PCGF3: variants seen among roughly 807,000 people sequenced by gnomAD.
PCGF3 encodes the protein polycomb group ring finger 3.
A neutral mutation model predicts 33.1 loss-of-function variants in PCGF3; 7 were observed. The ratio of observed to expected loss-of-function variants is 0.21; its 90% CI spans 0.12 to 0.40. The LOEUF is 0.40. Ranked by LOEUF, PCGF3 falls within the 10% of genes least tolerant of loss-of-function variation. The pLI, the probability that PCGF3 is intolerant of heterozygous loss-of-function variation, is 1.00. For synonymous variants in PCGF3, 153 were observed against 121.3 expected (o/e 1.26, Z -1.72); for missense variants, 211 against 313.3 (o/e 0.67, Z 2.46).
chr4:763,308 G>A (rs1231642298), intron 9 of PCGF3, among the ~76,000 whole-genome samples: 2 of 152,176 alleles, frequency 1.3e-5, no homozygotes, highest in African/African-American at 4.8e-5. Context: ...CTGCCGGACA[G>A]TGGGGCTGCA....
intron 1 of PCGF3, among the ~76,000 whole-genome samples, chr4:717,138 G>A (rs1223833611): frequency 4.8e-5 from 2 of 41,762 alleles, no homozygotes; most frequent in African/African-American, 3.2e-4. Flanking sequence ...AGAACTGAGC[G>A]TCGGTGCTGG....
intron 8 of PCGF3, among the ~76,000 whole-genome samples, chr4:756,216 C>CT (rs34956842): frequency 0.058 from 6,946 of 120,260 alleles, 187 homozygotes; most frequent in Middle Eastern, 0.17. Context: ...CCGCACTTGG[C>CT]TTTTTTTTTT....
At chr4:740,123 C>G (rs995765356) in intron 6 of PCGF3, among the ~76,000 whole-genome samples, 1 of 152,250 alleles carries the variant, frequency 6.6e-6, no homozygotes, top group African/African-American at 2.4e-5. Flanking sequence ...TTTCTCCGAC[C>G]AGAGGCCTCT....
chr4:709,340 T>C (rs1016370598), intron 1 of PCGF3, among the ~76,000 whole-genome samples: 1 of 144,608 alleles, frequency 6.9e-6, no homozygotes, highest in Non-Finnish European at 1.5e-5. Context: ...AAGGCAAGAG[T>C]GAATGATGCA....
intron 1 of PCGF3, chr4:723,494 C>T (rs562917730): frequency 7.4e-5 from 12 of 162,138 alleles, no homozygotes; most frequent in Middle Eastern, 3.0e-3. Context: ...TTGGCACCCC[C>T]GGGAAGGAGG....
At chr4:761,215 GA>G in intron 8 of PCGF3, 63 bp from the exon 9 acceptor site, 1 of 1,397,658 alleles carries the variant, frequency 7.2e-7, no homozygotes, top group Non-Finnish European at 9.5e-7. Flanking sequence ...TATGTCTAAG[GA>G]AGCCTCCAGA....
At chr4:767,496 G>GGA (rs1745434619) in exon 11 of PCGF3, 1 of 152,148 alleles carries the variant, frequency 6.6e-6, no homozygotes, top group South Asian at 2.1e-4. Context: ...TGGGAGCCCA[G>GGA]GTGGTCCTTG....
Position 718,638 on chromosome 4 carries a change from C to T in PCGF3, c.-189-11992C>T, listed in dbSNP as rs909605378. Among the ~76,000 whole-genome samples, 11 of 152,298 alleles carry T rather than the reference C, an allele frequency of 7.2e-5. No individual in the cohort carries two copies. The East Asian group carries it at 7.7e-4, about 11-fold the overall frequency. The stretch of plus-strand genomic sequence containing the variant: ...GTGCCACGGTCCACGGAGGTGGGGT[C>T]GGCTGGCTCTGGCTGGGAGTTGGGG... On this transcript the variant is annotated intron_variant, in intron 1 of 10. Coordinates refer to ENST00000362003, the Ensembl canonical transcript of PCGF3.
intron 1 of PCGF3, among the ~76,000 whole-genome samples, chr4:716,485 G>A (rs1455228772): frequency 1.5e-5 from 2 of 137,846 alleles, no homozygotes; most frequent in African/African-American, 5.7e-5. Flanking sequence ...CTGGGTGTCG[G>A]TGCTGGGACC....
chr4:751,095 T>G (rs1448164273), intron 8 of PCGF3, among the ~76,000 whole-genome samples: 1 of 152,152 alleles, frequency 6.6e-6, no homozygotes, highest in Non-Finnish European at 1.5e-5. Context: ...TTTTGGTGTC[T>G]TCTTTCTCTG....
chr4:762,152 C>T (rs1310028463), intron 9 of PCGF3: 2 of 883,142 alleles, frequency 2.3e-6, no homozygotes, highest in Non-Finnish European at 2.7e-6. Flanking sequence ...ACCCCCAGAG[C>T]CTGCAAATGG....
intron 1 of PCGF3, among the ~76,000 whole-genome samples, chr4:718,209 G>A (rs1742935910): frequency 6.6e-6 from 1 of 152,152 alleles, no homozygotes; most frequent in South Asian, 2.1e-4. Flanking sequence ...GTTCAAAGCA[G>A]GGTTGGGCCA....
intron 1 of PCGF3, among the ~76,000 whole-genome samples, chr4:716,863 G>C (rs1171602616): frequency 1.4e-5 from 2 of 148,022 alleles, no homozygotes; most frequent in Non-Finnish European, 3.0e-5. Flanking sequence ...CACTGTGAGT[G>C]TGAGAACTGG....
At chr4:751,633 T>C (rs1331878880) in intron 8 of PCGF3, among the ~76,000 whole-genome samples, 4 of 150,416 alleles carry the variant, frequency 2.7e-5, no homozygotes, top group African/African-American at 4.9e-5. Context: ...AAAAAAAACA[T>C]ATGAGGGAAG....
intron 8 of PCGF3, among the ~76,000 whole-genome samples, chr4:757,937 G>A (rs1174258098): frequency 6.6e-6 from 1 of 152,060 alleles, no homozygotes; most frequent in African/African-American, 2.4e-5. Context: ...GGGAAGCCGA[G>A]GTGGGCAGAT....
intron 8 of PCGF3, among the ~76,000 whole-genome samples, chr4:755,367 T>C (rs1326881174): frequency 1.3e-5 from 2 of 152,168 alleles, no homozygotes; most frequent in African/African-American, 2.4e-5. Flanking sequence ...TGGGCTCCTC[T>C]GCGTGTGAGT....
At chr4:764,792 A>G (rs1448748662) in intron 9 of PCGF3, 192 bp from the exon 10 acceptor site, 7 of 560,792 alleles carry the variant, frequency 1.2e-5, no homozygotes, top group Non-Finnish European at 1.9e-5. Flanking sequence ...GCTGTGAGGT[A>G]GGGACCACAC....
Position 730,687 on chromosome 4 carries a change from A to G in PCGF3, c.-151+19A>G, listed in dbSNP as rs371546177. The G allele has an allele frequency of 1.5e-4, 35 of 234,456 alleles. 2 individuals carry two copies. In the South Asian group the frequency reaches 2.5e-3, roughly 17 times the overall value. The allele number at this position is 234,456 out of a possible 1,614,324, so 14.5% of individuals were successfully genotyped here. On this transcript the variant is annotated intron_variant, in intron 2 of 10. Transcript: ENST00000362003. ...TGCTCAGGTAAGTGCGCGTAGGCCG[A>G]CTGCCCTCTTCTTTCCGCACCTGTG...
chr4:733,563 A>T (rs1284384125), intron 3 of PCGF3, 109 bp from the exon 4 acceptor site: 1 of 1,133,934 alleles, frequency 8.8e-7, no homozygotes. Flanking sequence ...CCTGCCACCC[A>T]GGCCTCAGGG....
Sources: gnomAD v4.1 joint callset for allele counts (sites outside exome capture counted in the v4.1 genomes callset) on GRCh38, gnomAD v4.1.1 for gene constraint, MANE v1.5 for transcripts, NCBI Gene and HGNC (gene_info 2026-07-23, HGNC 2026-07-21) for gene names.